RAB3B: variants seen among roughly 807,000 people sequenced by gnomAD.
RAB3B encodes RAB3B, member RAS oncogene family, also known as ras-related protein Rab-3B.
Under a neutral mutation model 20.5 loss-of-function variants are expected in RAB3B, and 11 were observed. The ratio of observed to expected loss-of-function variants is 0.54; its 90% CI spans 0.34 to 0.89. RAB3B has a LOEUF of 0.89. RAB3B is among the 40% of genes least tolerant of loss of function. The pLI, the probability that RAB3B is intolerant of heterozygous loss-of-function variation, is 0.02. For synonymous variants in RAB3B, 99 were observed against 106.3 expected (o/e 0.93, Z 0.42); for missense variants, 225 against 280.9 (o/e 0.80, Z 1.42).
chr1:51,926,068 C>T (rs570452896), intron 4 of RAB3B, among the ~76,000 whole-genome samples: 3 of 152,326 alleles, frequency 2.0e-5, no homozygotes, highest in African/African-American at 7.2e-5. Context: ...CAGCCAGAAG[C>T]TACCATCACA....
intron 2 of RAB3B, among the ~76,000 whole-genome samples, chr1:51,938,594 T>C (rs1183007702): frequency 2.0e-5 from 3 of 151,886 alleles, no homozygotes; most frequent in Non-Finnish European, 2.9e-5. Flanking sequence ...CAGAAAAAAA[T>C]AGAAGAAACA....
chr1:51,948,730 C>G (rs1684595540), intron 2 of RAB3B, among the ~76,000 whole-genome samples: 1 of 152,182 alleles, frequency 6.6e-6, no homozygotes, highest in South Asian at 2.1e-4. Context: ...ATATGCTTTC[C>G]TGGCACCATG....
In RAB3B at chr1:51,920,224, A is replaced by C. The variant is rs1571955110; in HGVS notation, c.473-110T>G. The C allele has an allele frequency of 4.1e-6, 4 of 967,730 alleles. No homozygotes were observed. The East Asian group carries it at 1.0e-4, about 25-fold the overall frequency. The allele number at this position is 967,730 out of a possible 1,614,324, so 59.9% of individuals were successfully genotyped here. A position where few individuals can be genotyped will look rare whatever the true frequency, so the allele number is the denominator to read the frequency against. ...TTAATATGTCCAGTGCTCAGCAGTG[A>C]AGCAAAGAGGCTAAATTCCACGGAC... On this transcript the variant is annotated intron_variant, in intron 4 of 4. Coordinates refer to ENST00000371655, the MANE Select transcript of RAB3B (RefSeq NM_002867.4).
intron 2 of RAB3B, among the ~76,000 whole-genome samples, chr1:51,947,300 G>A (rs576522602): frequency 6.6e-6 from 1 of 152,160 alleles, no homozygotes; most frequent in East Asian, 1.9e-4. Flanking sequence ...GGAGGCTAAT[G>A]TGGGAGGATC....
chr1:51,912,600 TAAAA>T lies in RAB3B; in HGVS notation c.*7323_*7326del, dbSNP rs55842249. ...ATATATATATATATATATATATATA[TAAAA>T]AATGTTACTCCTGTGAGACAGAATG... On this transcript the variant is annotated 3_prime_UTR_variant, in exon 5 of 5. Transcript: ENST00000371655. 2 of 30,674 alleles carry T rather than the reference TAAAA, an allele frequency of 6.5e-5. No homozygotes were observed. The highest frequency in any genetic ancestry group is 2.4e-4 in the African/African-American group (2 of 8,198). The allele number at this position is 30,674 out of a possible 1,614,324, so 1.9% of individuals were successfully genotyped here. A position where few individuals can be genotyped will look rare whatever the true frequency, so the allele number is the denominator to read the frequency against.
intron 2 of RAB3B, among the ~76,000 whole-genome samples, chr1:51,939,363 T>C (rs78429021): frequency 1.1e-3 from 175 of 152,326 alleles, no homozygotes; most frequent in Non-Finnish European, 2.3e-3. Context: ...AAAGGGCAAG[T>C]GACTTTCCCA....
chr1:51,944,743 T>C (rs571222062), intron 2 of RAB3B, among the ~76,000 whole-genome samples: 2 of 152,316 alleles, frequency 1.3e-5, no homozygotes, highest in South Asian at 4.1e-4. Flanking sequence ...CTTGAACGGA[T>C]GCAGTTGCTT....
intron 1 of RAB3B, among the ~76,000 whole-genome samples, chr1:51,985,204 A>G (rs1685136737): frequency 6.6e-6 from 1 of 152,130 alleles, no homozygotes. Context: ...GGCCCCTTTA[A>G]TTCACTTCTG....
At chr1:51,979,012 A>G (rs2124314199) in intron 1 of RAB3B, among the ~76,000 whole-genome samples, 1 of 152,296 alleles carries the variant, frequency 6.6e-6, no homozygotes, top group South Asian at 2.1e-4. Flanking sequence ...CTTTGTTCCC[A>G]GCTCTCAATC....
chr1:51,950,568 C>T (rs1051615771), intron 2 of RAB3B, among the ~76,000 whole-genome samples: 11 of 143,956 alleles, frequency 7.6e-5, no homozygotes, highest in Admixed American at 6.4e-4. Flanking sequence ...TACATATCAC[C>T]TCCTTTTTCT....
intron 2 of RAB3B, among the ~76,000 whole-genome samples, chr1:51,969,472 G>T (rs1438432115): frequency 6.6e-6 from 1 of 152,148 alleles, no homozygotes; most frequent in African/African-American, 2.4e-5. Flanking sequence ...TGAGTGAATG[G>T]TGTACGGGCT....
intron 2 of RAB3B, among the ~76,000 whole-genome samples, chr1:51,963,715 C>T (rs1684812098): frequency 6.6e-6 from 1 of 152,132 alleles, no homozygotes; most frequent in South Asian, 2.1e-4. Context: ...GAAAATTGTA[C>T]TTAAGAGAAC....
At position 51,909,807 on chromosome 1, in the gene RAB3B, T is replaced by G. The variant is rs1683971958; in HGVS notation, c.*10120A>C. Reference sequence around the variant, plus strand: ...CCTTCTCTTGCTCCTTTGCTCATGGTGTTTACACTGGCTTTCTCCAGTCTC... The same window carrying G: ...CCTTCTCTTGCTCCTTTGCTCATGGGGTTTACACTGGCTTTCTCCAGTCTC... On this transcript the variant is annotated 3_prime_UTR_variant, in exon 5 of 5. Coordinates refer to ENST00000371655, the MANE Select transcript of RAB3B (RefSeq NM_002867.4). The G allele has an allele frequency of 6.6e-6, 1 of 152,336 alleles. No individual in the cohort carries two copies. Among genetic ancestry groups the G allele is most frequent in the Non-Finnish European group, 1.5e-5 (1 of 68,136 alleles). 9.4% of individuals were successfully genotyped at this position (152,336 alleles called of 1,614,324 possible).
chr1:51,990,304 T>C (rs1272180755), intron 1 of RAB3B, among the ~76,000 whole-genome samples: 2 of 116,972 alleles, frequency 1.7e-5, no homozygotes, highest in Non-Finnish European at 3.5e-5. Context: ...CCCAGCGCCG[T>C]CTTTCTTGCT....
chr1:51,978,346 A>G (rs1685037445), intron 1 of RAB3B, among the ~76,000 whole-genome samples: 1 of 152,268 alleles, frequency 6.6e-6, no homozygotes. Flanking sequence ...TCACAGGGCT[A>G]TCACAGGACT....
chr1:51,955,848 C>T (rs565207797), intron 2 of RAB3B, among the ~76,000 whole-genome samples: 4 of 152,292 alleles, frequency 2.6e-5, no homozygotes, highest in Admixed American at 2.6e-4. Flanking sequence ...TCCCTCTGGT[C>T]TCATAGCTGC....
intron 1 of RAB3B, among the ~76,000 whole-genome samples, chr1:51,986,276 G>A (rs553168020): frequency 1.3e-5 from 2 of 150,690 alleles, no homozygotes; most frequent in Non-Finnish European, 2.9e-5. Flanking sequence ...TCAGCCTCCC[G>A]AGTAGCTGGG....
intron 2 of RAB3B, among the ~76,000 whole-genome samples, chr1:51,967,515 C>CTTTTTTTTTTTTTTTTTTTTTTTT (rs67927521): frequency 1.2e-4 from 2 of 16,436 alleles, no homozygotes; most frequent in Non-Finnish European, 5.3e-4. Context: ...CTTTTCTTTT[C>CTTTTTTTTTTTTTTTTTTTTTTTT]TTTTTCTTTT....
Position 51,919,870 on chromosome 1 carries a change from G to A in RAB3B, c.*57C>T, listed in dbSNP as rs561968230. 108 of 1,521,682 alleles carry A rather than the reference G, an allele frequency of 7.1e-5. 2 individuals carry two copies. In the East Asian group the frequency reaches 2.4e-3, roughly 34 times the overall value. The allele number at this position is 1,521,682 out of a possible 1,614,324, so 94.3% of individuals were successfully genotyped here. A position where few individuals can be genotyped will look rare whatever the true frequency, so the allele number is the denominator to read the frequency against. On this transcript the variant is annotated 3_prime_UTR_variant, in exon 5 of 5. Transcript: ENST00000371655. ...CTGAGAGCGGACAGTGTGTAACAGG[G>A]AGAAGCAGACTGGGTGTGGGGCCAC...
Sources: gnomAD v4.1 joint callset for allele counts (sites outside exome capture counted in the v4.1 genomes callset) on GRCh38, gnomAD v4.1.1 for gene constraint, MANE v1.5 for transcripts, NCBI Gene and HGNC (gene_info 2026-07-23, HGNC 2026-07-21) for gene names.